The following TUBGCP5 variants were observed in gnomAD, a reference collection of about 807,000 sequenced individuals.
TUBGCP5 encodes gamma-tubulin complex component 5.
TUBGCP5 carries 98 observed loss-of-function variants against 134.7 expected under a neutral mutation model. The ratio of observed to expected loss-of-function variants is 0.73; its 90% CI spans 0.62 to 0.86. TUBGCP5 has a LOEUF of 0.86. Ranked by LOEUF, TUBGCP5 falls within the 40% of genes least tolerant of loss-of-function variation. The probability of loss-of-function intolerance (pLI) is 0.00; values close to 1 mark genes in which losing one functional copy is unlikely to be tolerated. For missense variants in TUBGCP5, 1,150 were observed against 1,244.8 expected, an observed-to-expected ratio of 0.92 and a Z score of 1.15; for synonymous variants, 456 against 431.4, an observed-to-expected ratio of 1.06 and a Z score of -0.71.
chr15:23,022,460 C>T (rs535503848), intron 10 of TUBGCP5, among the ~76,000 whole-genome samples: 21 of 152,246 alleles, frequency 1.4e-4, no homozygotes, highest in African/African-American at 4.3e-4. Context: ...AATAAAAGAA[C>T]GCAAATTAAA....
intron 14 of TUBGCP5, among the ~76,000 whole-genome samples, chr15:23,010,797 G>A (rs1252487362): frequency 6.6e-6 from 1 of 151,986 alleles, no homozygotes; most frequent in Non-Finnish European, 1.5e-5. Context: ...TGGCCAACAG[G>A]AGGAAACCCC....
intron 1 of TUBGCP5, 88 bp from the exon 2 acceptor site, chr15:23,037,240 T>A (rs2066643422): frequency 3.2e-6 from 4 of 1,231,752 alleles, no homozygotes; most frequent in Non-Finnish European, 4.7e-6. Context: ...CCCCATATGC[T>A]CTGTACTCAG....
At chr15:23,032,849 A>T (rs758762895) in intron 3 of TUBGCP5, 25 bp from the exon 4 acceptor site, 43 of 1,506,686 alleles carry the variant, frequency 2.9e-5, no homozygotes, top group Non-Finnish European at 3.7e-5. Flanking sequence ...AAAGAACATA[A>T]ATCTCTGAGG....
intron 23 of TUBGCP5, among the ~76,000 whole-genome samples, chr15:22,993,382 G>A (rs564879324): frequency 3.3e-5 from 5 of 151,724 alleles, no homozygotes; most frequent in African/African-American, 1.2e-4. Context: ...ACAGGTGTGA[G>A]CCACCGCGCC....
downstream of TUBGCP5, chr15:22,983,123 T>G (rs2063584615): frequency 6.6e-6 from 1 of 152,154 alleles, no homozygotes; most frequent in Non-Finnish European, 1.5e-5. Context: ...GTATTATACC[T>G]AAATGGCACC....
downstream of TUBGCP5, among the ~76,000 whole-genome samples, chr15:22,994,472 A>G (rs1405049490): frequency 3.9e-5 from 6 of 152,202 alleles, no homozygotes; most frequent in Non-Finnish European, 5.9e-5. Flanking sequence ...AACAGCTCTT[A>G]GATTCAGTGT....
At chr15:23,030,570 A>G (rs964184209) in intron 6 of TUBGCP5, among the ~76,000 whole-genome samples, 4 of 149,746 alleles carry the variant, frequency 2.7e-5, no homozygotes, top group African/African-American at 9.9e-5. Flanking sequence ...GTGCAGTGGC[A>G]CAATCTTAGC....
In TUBGCP5 at chr15:23,015,431, T is replaced by C. The variant is rs540014054; in HGVS notation, c.1756+2342A>G. 3.9e-4 allele frequency among the ~76,000 whole-genome samples: 58 copies of C among 148,896 alleles called. 1 individual carries two copies. Among genetic ancestry groups the C allele is most frequent in the South Asian group, 3.9e-3 (18 of 4,672 alleles). Reference sequence around the variant, plus strand: ...CCGAGGCGGGTGGATTGCTTGAGGCTAGGAGTTTGAGATCAGCCTCACCAA... The same window carrying C: ...CCGAGGCGGGTGGATTGCTTGAGGCCAGGAGTTTGAGATCAGCCTCACCAA... On this transcript the variant is annotated intron_variant, in intron 13 of 22. Transcript: ENST00000615383.
At chr15:23,021,869 C>T (rs748899818) in intron 11 of TUBGCP5, 90 bp downstream of exon 11, 8 of 1,324,752 alleles carry the variant, frequency 6.0e-6, no homozygotes, top group Non-Finnish European at 8.6e-6. Context: ...AGTCATCATT[C>T]AAGTATCAAC....
chr15:23,023,256 G>A (rs2065805965), intron 10 of TUBGCP5: 1 of 152,032 alleles, frequency 6.6e-6, no homozygotes, highest in African/African-American at 2.4e-5. Context: ...CGTGAACCCG[G>A]GAGGCGGAGC....
At chr15:23,024,458 T>C (rs1015071100) in intron 9 of TUBGCP5, 2 of 452,636 alleles carry the variant, frequency 4.4e-6, no homozygotes, top group Non-Finnish European at 7.6e-6. Context: ...AATTACAGTA[T>C]ATAACTTTCA....
chr15:22,996,356 T>C (rs2064079491), downstream of TUBGCP5, among the ~76,000 whole-genome samples: 1 of 151,934 alleles, frequency 6.6e-6, no homozygotes. Flanking sequence ...TTAAAAAAAA[T>C]GTCTTGGGCT....
intron 6 of TUBGCP5, among the ~76,000 whole-genome samples, chr15:23,027,580 C>T (rs2066049957): frequency 6.6e-6 from 1 of 151,550 alleles, no homozygotes; most frequent in African/African-American, 2.4e-5. Flanking sequence ...AGTATGACCC[C>T]CCATCTCCAC....
chr15:22,993,525 GTTT>G lies in TUBGCP5; in HGVS notation c.*61+3317_*61+3319del, dbSNP rs71414252. The stretch of plus-strand genomic sequence containing the variant: ...TAATCCTCCCACCTCAGCCCCCGAA[GTTT>G]TTTTTTTTTTTTTTTTTTTTTTTTT... On this transcript the variant is annotated intron_variant and NMD_transcript_variant, in intron 23 of 23. Coordinates refer to the TUBGCP5 transcript ENST00000614508. Among the ~76,000 whole-genome samples, 164 of 69,258 alleles carry G rather than the reference GTTT, an allele frequency of 2.4e-3. 1 individual carries two copies. The highest frequency in any genetic ancestry group is 7.8e-3 in the African/African-American group (131 of 16,728). 45.4% of individuals were successfully genotyped at this position (69,258 alleles called of 152,430 possible).
At position 23,010,081 on chromosome 15, in the gene TUBGCP5, A is replaced by G; in HGVS notation, c.2008T>C (p.Cys670Arg). The G allele has an allele frequency of 6.2e-7, 1 of 1,614,162 alleles. No homozygotes were observed. Among genetic ancestry groups the G allele is most frequent in the Non-Finnish European group, 8.5e-7 (1 of 1,180,006 alleles). ...FHEKFAGGDV[C>R]VDRSSESVTC... ...ACAGATTCCGATGATCTATCCACAC[A>G]TACATCACCACCAGCAAACTTCTCG... The change falls in exon 15 of 23, where the codon TGT becomes CGT. Residue 670 changes from cysteine (C) to arginine (R), a missense_variant. Physicochemically the swap from Cys to Arg is radical, Grantham distance 180. This residue lies in a region of TUBGCP5 where 697 missense variants were observed against 850.1 expected (regional missense o/e 0.82). Coordinates refer to ENST00000615383, the MANE Select transcript of TUBGCP5 (RefSeq NM_052903.6).
intron 3 of TUBGCP5, among the ~76,000 whole-genome samples, chr15:23,035,019 C>T (rs1038841126): frequency 1.3e-5 from 2 of 151,878 alleles, no homozygotes; most frequent in African/African-American, 4.8e-5. Flanking sequence ...ACTACTGATC[C>T]CACAGACATT....
At chr15:23,008,963 C>T (rs2064878017) in intron 15 of TUBGCP5, 82 bp from the exon 16 acceptor site, 1 of 1,182,432 alleles carries the variant, frequency 8.5e-7, no homozygotes, top group African/African-American at 1.6e-5. Flanking sequence ...GTTTTGTAAC[C>T]TGTTTTTAGT....
At chr15:23,016,986 A>ATATATATCTATATATATATATG (rs373904143) in intron 13 of TUBGCP5, among the ~76,000 whole-genome samples, 1 of 138,288 alleles carries the variant, frequency 7.2e-6, no homozygotes, top group Admixed American at 7.0e-5. Context: ...ATATATATAT[A>ATATATATCTATATATATATATG]TGTATATATC....
intron 23 of TUBGCP5, among the ~76,000 whole-genome samples, chr15:22,991,150 T>C (rs1354105682): frequency 6.6e-6 from 1 of 151,470 alleles, no homozygotes; most frequent in African/African-American, 2.4e-5. Context: ...CAGGCTGGAG[T>C]GCAGTGGCGC....
Sources: allele counts gnomAD v4.1 joint callset (sites outside exome capture counted in the v4.1 genomes callset), GRCh38; gene constraint gnomAD v4.1.1; regional missense constraint gnomAD v4.1.1; transcripts MANE v1.5; gene names NCBI Gene and HGNC (gene_info 2026-07-23, HGNC 2026-07-21).